The following DNAH7 variants were observed in gnomAD, a reference collection of about 807,000 sequenced individuals.
DNAH7 encodes dynein axonemal heavy chain 7.
Under a neutral mutation model 444.6 loss-of-function variants are expected in DNAH7, and 397 were observed. That is an observed-to-expected ratio of 0.89 (90% CI 0.82 to 0.97). The LOEUF (loss-of-function observed/expected upper bound fraction) is 0.97, where lower values mean the gene tolerates loss of function less well. DNAH7 is among the 50% of genes least tolerant of loss of function. The pLI, the probability that DNAH7 is intolerant of heterozygous loss-of-function variation, is 0.00. For synonymous variants in DNAH7, 1,636 were observed against 1,624.4 expected (o/e 1.01, Z -0.17); for missense variants, 4,902 against 4,800.8 (o/e 1.02, Z -0.62).
rs1696883066 is a variant in DNAH7 at position 195,809,877 on chromosome 2, G to A, written c.9762-6C>T. The A allele has an allele frequency of 3.3e-6, 5 of 1,526,488 alleles. No homozygotes were observed. In the East Asian group the frequency reaches 1.2e-4, roughly 37 times the overall value. The allele number at this position is 1,526,488 out of a possible 1,614,324, so 94.6% of individuals were successfully genotyped here. A position where few individuals can be genotyped will look rare whatever the true frequency, so the allele number is the denominator to read the frequency against. Reference sequence around the variant, plus strand: ...GATCCTTGAGAATCTGAAGCCTAAGGGTCAACAGAAAATAAAGGAAATAAA... The same window carrying A: ...GATCCTTGAGAATCTGAAGCCTAAGAGTCAACAGAAAATAAAGGAAATAAA... On this transcript the variant is annotated splice_region_variant and splice_polypyrimidine_tract_variant and intron_variant, in intron 51 of 64. Coordinates refer to ENST00000312428, the MANE Select transcript of DNAH7 (RefSeq NM_018897.3).
At chr2:196,035,672 A>G (rs747367085) in intron 5 of DNAH7, among the ~76,000 whole-genome samples, 1 of 152,212 alleles carries the variant, frequency 6.6e-6, no homozygotes, top group Non-Finnish European at 1.5e-5. Context: ...GGCATGGAAA[A>G]CTTAAGATGG....
chr2:195,890,221 T>A, intron 31 of DNAH7, among the ~76,000 whole-genome samples: 2 of 152,344 alleles, frequency 1.3e-5, no homozygotes, highest in South Asian at 4.1e-4. Context: ...CACTTCTAGC[T>A]GTGTTCAGGA....
chr2:196,068,608 T>C (rs1698564050), intron 1 of DNAH7, 89 bp downstream of exon 1: 1 of 1,523,046 alleles, frequency 6.6e-7, no homozygotes, highest in African/African-American at 1.4e-5. Flanking sequence ...AGCTGGGGAG[T>C]TCGCTAGGCA....
chr2:195,766,551 T>C (rs934052905), intron 61 of DNAH7, among the ~76,000 whole-genome samples: 1 of 151,916 alleles, frequency 6.6e-6, no homozygotes, highest in South Asian at 2.1e-4. Context: ...AGAGTAGTGG[T>C]AGGTAGGGTT....
At position 196,068,808 on chromosome 2, in the gene DNAH7, G is replaced by A. The variant is rs1048845851; in HGVS notation, c.-97C>T. 3.4e-6 allele frequency: 5 copies of A among 1,471,708 alleles called. No individual in the cohort carries two copies. The East Asian group carries it at 1.3e-4, about 37-fold the overall frequency. 91.2% of individuals were successfully genotyped at this position (1,471,708 alleles called of 1,614,324 possible). A position where few individuals can be genotyped will look rare whatever the true frequency, so the allele number is the denominator to read the frequency against. On this transcript the variant is annotated 5_prime_UTR_variant, in exon 1 of 65. Transcript: ENST00000312428. ...AGGCAGGGCCCCGGGACTTGCAGCG[G>A]TCTCAGCTCCCTCCGCACCAGAGCC... is the stretch of plus-strand genomic sequence containing the variant.
intron 51 of DNAH7, among the ~76,000 whole-genome samples, chr2:195,816,029 C>T (rs1000403577): frequency 6.6e-6 from 1 of 152,034 alleles, no homozygotes; most frequent in Non-Finnish European, 1.5e-5. Flanking sequence ...TGTCTTAATA[C>T]CAAACTGAAA....
intron 45 of DNAH7, among the ~76,000 whole-genome samples, chr2:195,854,053 C>G (rs1699555657): frequency 6.6e-6 from 1 of 152,120 alleles, no homozygotes; most frequent in Non-Finnish European, 1.5e-5. Flanking sequence ...GGACACCAAT[C>G]AATAGCTGAG....
Position 195,875,854 on chromosome 2 carries a change from GAA to G in DNAH7, c.6118-13_6118-12del. ...ATCTACAAAGACAACCTGAGAATGA[GAA>G]GAGAAGAGGTACAGAAAATATTAAC... On this transcript the variant is annotated splice_polypyrimidine_tract_variant and intron_variant, in intron 37 of 64. Coordinates refer to ENST00000312428, the MANE Select transcript of DNAH7 (RefSeq NM_018897.3). 6.3e-7 allele frequency: 1 copy of G among 1,592,226 alleles called. No individual in the cohort carries two copies. The highest frequency in any genetic ancestry group is 8.5e-7 in the Non-Finnish European group (1 of 1,171,796).
At chr2:196,030,684 G>C (rs1157769073) in intron 5 of DNAH7, among the ~76,000 whole-genome samples, 2 of 152,206 alleles carry the variant, frequency 1.3e-5, no homozygotes, top group African/African-American at 4.8e-5. Context: ...AGTGGTTACA[G>C]AGCCCATTCA....
rs551694828 is a variant in DNAH7 at position 196,067,887 on chromosome 2, T to C, written c.15+810A>G. On this transcript the variant is annotated intron_variant, in intron 1 of 64. Transcript: ENST00000312428. ...CCTTATTCATCACTACGTAGAAAGC[T>C]AGAGTTATTTTCTAGCTAGCCAGAA... is the stretch of plus-strand genomic sequence containing the variant. Among the ~76,000 whole-genome samples the C allele has an allele frequency of 1.5e-3, 221 of 152,344 alleles. 3 individuals carry two copies. The highest frequency in any genetic ancestry group is 5.1e-3 in the African/African-American group (213 of 41,580).
chr2:195,990,706 A>G (rs900964139), intron 12 of DNAH7, among the ~76,000 whole-genome samples: 27 of 150,590 alleles, frequency 1.8e-4, no homozygotes, highest in African/African-American at 6.6e-4. Flanking sequence ...TAGGTTATCT[A>G]TGCCATTCCA....
chr2:195,876,475 T>C (rs1314758747), intron 37 of DNAH7, 69 bp downstream of exon 37: 10 of 1,428,466 alleles, frequency 7.0e-6, no homozygotes, highest in South Asian at 2.6e-5. Flanking sequence ...CCCCAGGATA[T>C]TTGGTTTCCT....
chr2:196,053,352 C>A (rs545335370), intron 2 of DNAH7, among the ~76,000 whole-genome samples: 7 of 152,192 alleles, frequency 4.6e-5, no homozygotes, highest in Non-Finnish European at 1.0e-4. Flanking sequence ...TCTCAGTTTG[C>A]GGAAGACAGT....
Position 195,743,213 on chromosome 2 carries a change from C to T in DNAH7, c.11765-2344G>A, listed in dbSNP as rs113912292. On this transcript the variant is annotated intron_variant, in intron 63 of 64. Coordinates refer to ENST00000312428, the MANE Select transcript of DNAH7 (RefSeq NM_018897.3). ...GCCTGCGGCCACAGACTGAAGGCTGCGCTGTCTGCTTCCGTACTTTTGAGG... is the reference window on the plus strand; with the variant it reads ...GCCTGCGGCCACAGACTGAAGGCTGTGCTGTCTGCTTCCGTACTTTTGAGG... Among the ~76,000 whole-genome samples the T allele has an allele frequency of 5.2e-3, 798 of 152,356 alleles. 1 individual carries two copies. The highest frequency in any genetic ancestry group is 6.9e-3 in the Non-Finnish European group (470 of 68,032).
chr2:195,939,083 G>A (rs566429558), intron 19 of DNAH7, among the ~76,000 whole-genome samples: 69 of 152,020 alleles, frequency 4.5e-4, no homozygotes, highest in Non-Finnish European at 6.5e-4. Flanking sequence ...TCTCAAAATC[G>A]GTATGAGGAC....
intron 63 of DNAH7, among the ~76,000 whole-genome samples, chr2:195,751,311 G>T (rs1255577847): frequency 6.6e-6 from 1 of 152,134 alleles, no homozygotes; most frequent in East Asian, 1.9e-4. Flanking sequence ...AACTGTTTAA[G>T]TATTAGAGAC....
At chr2:195,759,799 C>T (rs1694264191) in intron 61 of DNAH7, among the ~76,000 whole-genome samples, 1 of 152,048 alleles carries the variant, frequency 6.6e-6, no homozygotes, top group African/African-American at 2.4e-5. Context: ...CTGCAGTGAG[C>T]CAAGATTGTG....
Position 195,881,839 on chromosome 2 carries a change from T to C in DNAH7, c.5917A>G (p.Ile1973Val), listed in dbSNP as rs1191033267. The C allele has an allele frequency of 6.2e-7, 1 of 1,614,068 alleles. No individual in the cohort carries two copies. The change falls in exon 36 of 65, where the codon ATA (isoleucine) becomes GTA (valine). Residue 1973 changes from isoleucine (I) to valine (V), a missense_variant. Transcript: ENST00000312428. ...CCAGTTCCTGTTGGTCCTACAAATA[T>C]TGAAGGCTTTTGATGGGTGGTCAGC... ...ELLTTHQKPS[I>V]FVGPTGTGKS...
At chr2:195,860,863 G>A (rs1350074722) in intron 42 of DNAH7, among the ~76,000 whole-genome samples, 1 of 152,068 alleles carries the variant, frequency 6.6e-6, no homozygotes, top group African/African-American at 2.4e-5. Context: ...TGTCTGAGCA[G>A]TAAATTTACA....
Sources: gnomAD v4.1 joint callset for allele counts (sites outside exome capture counted in the v4.1 genomes callset) on GRCh38, gnomAD v4.1.1 for gene constraint, MANE v1.5 for transcripts, NCBI Gene and HGNC (gene_info 2026-07-23, HGNC 2026-07-21) for gene names.